YWHAQ: variants seen among roughly 807,000 people sequenced by gnomAD.
The protein encoded by YWHAQ is 14-3-3 protein theta.
YWHAQ carries 6 observed loss-of-function variants against 28.3 expected under a neutral mutation model. That is an observed-to-expected ratio of 0.21 (90% CI 0.12 to 0.42). The LOEUF (loss-of-function observed/expected upper bound fraction) is 0.42, where lower values mean the gene tolerates loss of function less well. Among genes scored for constraint, YWHAQ ranks in the 10% least tolerant of loss-of-function variants. YWHAQ has a pLI of 1.00. For missense variants in YWHAQ, 201 were observed against 305.6 expected (o/e 0.66, Z 2.55); for synonymous variants, 143 against 119.1 (o/e 1.20, Z -1.31).
At chr2:9,616,656 A>G (rs1430999342) in intron 2 of YWHAQ, among the ~76,000 whole-genome samples, 1 of 152,198 alleles carries the variant, frequency 6.6e-6, no homozygotes, top group Non-Finnish European at 1.5e-5. Flanking sequence ...CTGAACAGAC[A>G]TTTCTCCAAA....
intron 2 of YWHAQ, among the ~76,000 whole-genome samples, chr2:9,596,756 G>A (rs1243288731): frequency 2.0e-5 from 3 of 151,834 alleles, no homozygotes; most frequent in East Asian, 3.9e-4. Flanking sequence ...AGACTGAAGC[G>A]CAGTGGCTCA....
intron 2 of YWHAQ, among the ~76,000 whole-genome samples, chr2:9,599,434 T>C (rs1006006655): frequency 2.6e-5 from 4 of 152,190 alleles, no homozygotes; most frequent in Non-Finnish European, 5.9e-5. Flanking sequence ...AGTACTTTCA[T>C]AGGAGGTCAG....
rs572904718 is a variant in YWHAQ at position 9,606,537 on chromosome 2, G to A, written c.295-15022C>T. The stretch of plus-strand genomic sequence containing the variant: ...TGAACATCTGTCTGTGTGTGTGTGT[G>A]TATATTTTTTGAGACGGAGTCTCGC... On this transcript the variant is annotated intron_variant, in intron 2 of 5. Coordinates refer to ENST00000238081, the MANE Select transcript of YWHAQ (RefSeq NM_006826.4). Among the ~76,000 whole-genome samples, 16 of 152,252 alleles carry A rather than the reference G, an allele frequency of 1.1e-4. No individual in the cohort carries two copies. In the South Asian group the frequency reaches 2.9e-3, roughly 28 times the overall value.
Position 9,630,078 on chromosome 2 carries a change from CGTTT to C in YWHAQ, c.294+77_294+80del, listed in dbSNP as rs1667330770. The C allele has an allele frequency of 6.5e-7, 1 of 1,539,590 alleles. No homozygotes were observed. Among genetic ancestry groups the C allele is most frequent in the East Asian group, 2.3e-5 (1 of 44,222 alleles). The stretch of plus-strand genomic sequence containing the variant: ...AGACAGTCCGGCAAGCCCCGGCTCA[CGTTT>C]GTTTCCGTGCCCGCGAAACTCTCAA... On this transcript the variant is annotated intron_variant, in intron 2 of 5. Transcript: ENST00000238081. This position sits in a 1 kb window ranked among gnomAD's most constrained non-coding sequence, Gnocchi z 5.6.
chr2:9,596,068 A>G (rs1053336945), intron 2 of YWHAQ, among the ~76,000 whole-genome samples: 1 of 152,234 alleles, frequency 6.6e-6, no homozygotes, highest in Non-Finnish European at 1.5e-5. Flanking sequence ...GAAATGCTAA[A>G]GGAACTCAGA....
chr2:9,630,512 C>T lies in YWHAQ; in HGVS notation c.-60G>A, dbSNP rs541763260. On this transcript the variant is annotated 5_prime_UTR_variant, in exon 2 of 6. Transcript: ENST00000238081. This position sits in a 1 kb window ranked among gnomAD's most constrained non-coding sequence, Gnocchi z 5.6. ...AGGAGAGCGAGGGCGAGCGCCGACC[C>T]GCAGCGGGAGGAGCCTCGAGAGCTG... 2.7e-6 allele frequency: 4 copies of T among 1,463,888 alleles called. No individual in the cohort carries two copies. In the Admixed American group the frequency reaches 7.2e-5, roughly 26 times the overall value. The allele number at this position is 1,463,888 out of a possible 1,614,324, so 90.7% of individuals were successfully genotyped here.
intron 4 of YWHAQ, among the ~76,000 whole-genome samples, chr2:9,587,746 A>C (rs1666374111): frequency 6.6e-6 from 1 of 152,230 alleles, no homozygotes; most frequent in Non-Finnish European, 1.5e-5. Context: ...GGACAACGGA[A>C]CAGCAGCAAT....
chr2:9,615,096 G>T (rs948088203), intron 2 of YWHAQ, among the ~76,000 whole-genome samples: 1 of 152,138 alleles, frequency 6.6e-6, no homozygotes, highest in Admixed American at 6.5e-5. Flanking sequence ...TACCAATACT[G>T]ATCTGAATTG....
chr2:9,626,965 C>A (rs535678624), intron 2 of YWHAQ, among the ~76,000 whole-genome samples: 1 of 152,182 alleles, frequency 6.6e-6, no homozygotes, highest in African/African-American at 2.4e-5. Context: ...CATGAGAACT[C>A]GAAGAGACTT....
intron 2 of YWHAQ, among the ~76,000 whole-genome samples, chr2:9,608,269 A>C (rs1421911848): frequency 6.6e-6 from 1 of 152,230 alleles, no homozygotes; most frequent in Non-Finnish European, 1.5e-5. Flanking sequence ...TTCAAAGAAA[A>C]GAGGGGAAAT....
At chr2:9,590,926 T>C (rs959514353) in intron 3 of YWHAQ, among the ~76,000 whole-genome samples, 2 of 152,206 alleles carry the variant, frequency 1.3e-5, no homozygotes, top group African/African-American at 2.4e-5. Flanking sequence ...TAGCAGTCAA[T>C]GTTATGACCC....
intron 2 of YWHAQ, among the ~76,000 whole-genome samples, chr2:9,617,143 T>A (rs534866909): frequency 2.3e-3 from 341 of 151,204 alleles, no homozygotes; most frequent in Non-Finnish European, 4.0e-3. Context: ...TTTTTTTTTT[T>A]AGTAGAGACG....
intron 2 of YWHAQ, among the ~76,000 whole-genome samples, chr2:9,603,849 C>CAGG (rs1471142323): frequency 6.6e-6 from 1 of 151,992 alleles, no homozygotes; most frequent in East Asian, 1.9e-4. Flanking sequence ...CTCTTTAACC[C>CAGG]AGGAGGAGGA....
At position 9,630,480 on chromosome 2, in the gene YWHAQ, G is replaced by C. The variant is rs771615816; in HGVS notation, c.-28C>G. On this transcript the variant is annotated 5_prime_UTR_variant, in exon 2 of 6. Transcript: ENST00000238081. The surrounding 1 kb of genome is among the most constrained non-coding windows in gnomAD (Gnocchi z 5.6). ...CGGGCGCGGGGCCGGGGCCGGGGCG[G>C]AGGGCGAGGAGAGCGAGGGCGAGCG... 2 of 1,560,656 alleles carry C rather than the reference G, an allele frequency of 1.3e-6. No individual in the cohort carries two copies. Among genetic ancestry groups the C allele is most frequent in the Non-Finnish European group, 1.7e-6 (2 of 1,157,444 alleles).
chr2:9,602,840 AAAAAAAAAAAAAAAAAAAAAAAATATAT>A (rs1220485532), intron 2 of YWHAQ, among the ~76,000 whole-genome samples: 259 of 24,410 alleles, frequency 0.011, no homozygotes, highest in African/African-American at 0.025. Flanking sequence ...AAAAAAAAAA[AAAAAAAAAAAAAAAAAAAAAAAATATAT>A]ATATATATAT....
intron 3 of YWHAQ, 108 bp downstream of exon 3, chr2:9,591,284 T>C (rs1203870651): frequency 7.6e-6 from 10 of 1,311,040 alleles, no homozygotes; most frequent in Non-Finnish European, 9.1e-6. Context: ...TACATTCAAT[T>C]ATTAAGTCAC....
At chr2:9,598,070 G>A (rs1485547808) in intron 2 of YWHAQ, among the ~76,000 whole-genome samples, 1 of 144,296 alleles carries the variant, frequency 6.9e-6, no homozygotes, top group Non-Finnish European at 1.5e-5. Context: ...CCGACTTCAG[G>A]TGGTCCGCCT....
intron 2 of YWHAQ, among the ~76,000 whole-genome samples, chr2:9,593,921 T>TACACACACACAC (rs148503227): frequency 1.6e-5 from 2 of 128,348 alleles, no homozygotes; most frequent in Non-Finnish European, 3.1e-5. Flanking sequence ...TATATATATA[T>TACACACACACAC]ATACACACAC....
Position 9,630,666 on chromosome 2 carries a change from C to T in YWHAQ, c.-82-132G>A. On this transcript the variant is annotated intron_variant, in intron 1 of 5. Transcript: ENST00000238081. This position sits in a 1 kb window ranked among gnomAD's most constrained non-coding sequence, Gnocchi z 5.6. ...AATTTCCCTCTCCCCCGCCCCCTCC[C>T]CCGCTGGGCACCCGGGGAGGCCGCG... 1 of 404,628 alleles carries T rather than the reference C, an allele frequency of 2.5e-6. No individual in the cohort carries two copies. The highest frequency in any genetic ancestry group is 4.2e-5 in the East Asian group (1 of 24,010). The allele number at this position is 404,628 out of a possible 1,614,324, so 25.1% of individuals were successfully genotyped here.
Sources: gnomAD v4.1 joint callset for allele counts (sites outside exome capture counted in the v4.1 genomes callset) on GRCh38, gnomAD v4.1.1 for gene constraint, Gnocchi (gnomAD v3.1) non-coding constraint, MANE v1.5 for transcripts, NCBI Gene and HGNC (gene_info 2026-07-23, HGNC 2026-07-21) for gene names.